SLC7A1: variants seen among roughly 807,000 people sequenced by gnomAD.
SLC7A1 encodes the protein solute carrier family 7 member 1.
A neutral mutation model predicts 53.9 loss-of-function variants in SLC7A1; 10 were observed. The ratio of observed to expected loss-of-function variants is 0.19; its 90% CI spans 0.11 to 0.31. The LOEUF (loss-of-function observed/expected upper bound fraction) is 0.31, where lower values mean the gene tolerates loss of function less well. Among genes scored for constraint, SLC7A1 ranks in the 10% least tolerant of loss-of-function variants. SLC7A1 has a pLI of 1.00. For synonymous variants in SLC7A1, 342 were observed against 338.7 expected (o/e 1.01, Z -0.11); for missense variants, 525 against 827.2 (o/e 0.63, Z 4.48).
intron 12 of SLC7A1, among the ~76,000 whole-genome samples, 198 bp downstream of exon 12, chr13:29,515,940 A>T (rs1218840527): frequency 6.6e-6 from 1 of 152,272 alleles, no homozygotes; most frequent in Non-Finnish European, 1.5e-5. Flanking sequence ...GCCCAAAAGA[A>T]TAAATAGTTT....
At chr13:29,544,273 C>T (rs1190693632) in intron 2 of SLC7A1, among the ~76,000 whole-genome samples, 1 of 152,138 alleles carries the variant, frequency 6.6e-6, no homozygotes, top group Admixed American at 6.5e-5. Flanking sequence ...CCAATGAGTA[C>T]GTATGTGGGT....
At chr13:29,550,951 A>C (rs2052041813) in intron 2 of SLC7A1, among the ~76,000 whole-genome samples, 1 of 152,240 alleles carries the variant, frequency 6.6e-6, no homozygotes, top group Admixed American at 6.5e-5. Flanking sequence ...TTTCTTTAAT[A>C]CATTGCTTCA....
intron 2 of SLC7A1, among the ~76,000 whole-genome samples, chr13:29,545,987 C>T (rs1869905495): frequency 6.6e-6 from 1 of 152,232 alleles, no homozygotes; most frequent in Non-Finnish European, 1.5e-5. Flanking sequence ...GAGAGACGCC[C>T]ACGCCCTGTG....
At chr13:29,529,803 A>G (rs1185035141) in intron 5 of SLC7A1, among the ~76,000 whole-genome samples, 1 of 152,244 alleles carries the variant, frequency 6.6e-6, no homozygotes, top group African/African-American at 2.4e-5. Context: ...GTCCATCCTG[A>G]GACCTAAAGA....
intron 1 of SLC7A1, among the ~76,000 whole-genome samples, chr13:29,577,446 G>A (rs1406865467): frequency 6.6e-6 from 1 of 152,244 alleles, no homozygotes; most frequent in Non-Finnish European, 1.5e-5. Context: ...CCCAGTGTAG[G>A]AGAAGTGACA....
chr13:29,593,134 A>C (rs1001199676), intron 1 of SLC7A1, among the ~76,000 whole-genome samples: 1 of 152,204 alleles, frequency 6.6e-6, no homozygotes, highest in African/African-American at 2.4e-5. Context: ...CCTGGGGATA[A>C]GAGTTCTAAA....
At chr13:29,572,897 AT>A (rs1240107394) in intron 1 of SLC7A1, among the ~76,000 whole-genome samples, 1 of 152,204 alleles carries the variant, frequency 6.6e-6, no homozygotes, top group Non-Finnish European at 1.5e-5. Flanking sequence ...AAGCTGCACA[AT>A]TTGATGGAGG....
chr13:29,536,108 C>G lies in SLC7A1; in HGVS notation c.81G>C (p.Arg27=), dbSNP rs756592752. ...CAAAAGTGTTCAGGCAGCGAGACAG[C>G]CGCGTCTCCTCCCGGCTACAGTCCA... ...KVVDCSREET[R]LSRCLNTFDL... Residue 27 remains arginine, a synonymous_variant, in exon 3 of 13, where the codon CGG becomes CGC. Transcript: ENST00000380752. The G allele has an allele frequency of 4.0e-5, 64 of 1,613,884 alleles. No individual in the cohort carries two copies. The highest frequency in any genetic ancestry group is 6.8e-6 in the Non-Finnish European group (8 of 1,180,046).
chr13:29,514,685 G>A (rs1205318124), intron 12 of SLC7A1, 102 bp from the exon 13 acceptor site: 9 of 834,356 alleles, frequency 1.1e-5, no homozygotes, highest in African/African-American at 3.4e-5. Flanking sequence ...CCTCTCAGGC[G>A]GCCTGCCCCT....
chr13:29,528,480 A>T (rs1869002106), intron 5 of SLC7A1, among the ~76,000 whole-genome samples: 1 of 152,062 alleles, frequency 6.6e-6, no homozygotes, highest in African/African-American at 2.4e-5. Context: ...TCACAAACCC[A>T]TGTGGTCTCA....
At chr13:29,553,676 C>G (rs1393033918) in intron 2 of SLC7A1, 85 bp downstream of exon 2, 1 of 152,144 alleles carries the variant, frequency 6.6e-6, no homozygotes, top group Non-Finnish European at 1.5e-5. Context: ...AGTCAACAGA[C>G]AACTAGCAGT....
intron 5 of SLC7A1, 46 bp downstream of exon 5, chr13:29,530,492 G>A (rs775691862): frequency 1.3e-6 from 2 of 1,554,610 alleles, no homozygotes; most frequent in South Asian, 2.2e-5. Flanking sequence ...TACAATCTAT[G>A]TCATTAAATG....
intron 2 of SLC7A1, among the ~76,000 whole-genome samples, chr13:29,543,154 C>T (rs1316227296): frequency 6.6e-6 from 1 of 152,096 alleles, no homozygotes; most frequent in African/African-American, 2.4e-5. Flanking sequence ...AACATACACT[C>T]CTGGAGCACT....
At chr13:29,581,194 C>T (rs1257230040) in intron 1 of SLC7A1, among the ~76,000 whole-genome samples, 1 of 152,110 alleles carries the variant, frequency 6.6e-6, no homozygotes, top group Non-Finnish European at 1.5e-5. Context: ...CATGACATCC[C>T]GACCCTGCCC....
intron 1 of SLC7A1, among the ~76,000 whole-genome samples, chr13:29,572,933 T>C (rs1435978150): frequency 6.6e-6 from 1 of 152,142 alleles, no homozygotes. Flanking sequence ...AAGGGATAAG[T>C]GGTCCAGGAG....
intron 2 of SLC7A1, among the ~76,000 whole-genome samples, chr13:29,544,375 T>C (rs886776375): frequency 6.6e-6 from 1 of 152,228 alleles, no homozygotes; most frequent in African/African-American, 2.4e-5. Context: ...TAGAATGACA[T>C]GTCACGCTTT....
At chr13:29,587,494 A>C (rs1439392666) in intron 1 of SLC7A1, among the ~76,000 whole-genome samples, 1 of 152,192 alleles carries the variant, frequency 6.6e-6, no homozygotes, top group South Asian at 2.1e-4. Context: ...CAAGAGGCTC[A>C]TTAAAAGGCA....
At chr13:29,539,932 T>C (rs1020080891) in intron 2 of SLC7A1, among the ~76,000 whole-genome samples, 2 of 152,118 alleles carry the variant, frequency 1.3e-5, no homozygotes, top group African/African-American at 4.8e-5. Context: ...TAGGAGAAAA[T>C]GAGACACTTA....
Position 29,516,097 on chromosome 13 carries a change from G to A in SLC7A1, c.1786+41C>T, listed in dbSNP as rs543294189. The A allele has an allele frequency of 2.2e-5, 28 of 1,285,944 alleles. No individual in the cohort carries two copies. In the South Asian group the frequency reaches 3.1e-4, roughly 14 times the overall value. The allele number at this position is 1,285,944 out of a possible 1,614,324, so 79.7% of individuals were successfully genotyped here. A position where few individuals can be genotyped will look rare whatever the true frequency, so the allele number is the denominator to read the frequency against. On this transcript the variant is annotated intron_variant, in intron 12 of 12. Coordinates refer to ENST00000380752, the MANE Select transcript of SLC7A1 (RefSeq NM_003045.5). ...TCTGAAACAAGGGAGACCCCCAGGG[G>A]AAGCCAGGATCTTGGACGTGCTGGC...
Sources: allele counts gnomAD v4.1 joint callset (sites outside exome capture counted in the v4.1 genomes callset), GRCh38; gene constraint gnomAD v4.1.1; transcripts MANE v1.5; gene names NCBI Gene and HGNC (gene_info 2026-07-23, HGNC 2026-07-21).